MTBP: variants seen among roughly 807,000 people sequenced by gnomAD.
MTBP encodes mdm2-binding protein.
In MTBP, 101 loss-of-function variants were observed where a neutral mutation model predicts 117.0. That is an observed-to-expected ratio of 0.86 (90% CI 0.73 to 1.02). MTBP has a LOEUF of 1.02. MTBP is among the 50% of genes least tolerant of loss of function. The probability of loss-of-function intolerance (pLI) is 0.00; values close to 1 mark genes in which losing one functional copy is unlikely to be tolerated. For missense variants in MTBP, 970 were observed against 1,030.9 expected (o/e 0.94, Z 0.81); for synonymous variants, 350 against 351.5 (o/e 1.00, Z 0.05).
At chr8:120,454,926 A>T (rs1043859891) in intron 5 of MTBP, among the ~76,000 whole-genome samples, 2 of 151,986 alleles carry the variant, frequency 1.3e-5, no homozygotes, top group Non-Finnish European at 2.9e-5. Context: ...GGATCCAATG[A>T]TGATGTCAGT....
At chr8:120,504,886 A>G (rs1814660643) in intron 15 of MTBP, among the ~76,000 whole-genome samples, 2 of 151,806 alleles carry the variant, frequency 1.3e-5, no homozygotes, top group South Asian at 4.2e-4. Flanking sequence ...TGGTAGTCAT[A>G]TTTTAAATTT....
intron 11 of MTBP, among the ~76,000 whole-genome samples, chr8:120,480,570 G>A (rs1323299060): frequency 6.6e-6 from 1 of 152,188 alleles, no homozygotes; most frequent in Non-Finnish European, 1.5e-5. Context: ...TCAAGACATT[G>A]TGGTATTGGG....
intron 8 of MTBP, among the ~76,000 whole-genome samples, chr8:120,459,649 CAT>C (rs886220195): frequency 5.9e-5 from 9 of 152,028 alleles, no homozygotes; most frequent in African/African-American, 2.2e-4. Flanking sequence ...GAGAATATGA[CAT>C]AGAGAAAAGA....
chr8:120,481,458 G>C (rs1469207683), intron 11 of MTBP, among the ~76,000 whole-genome samples: 2 of 150,326 alleles, frequency 1.3e-5, no homozygotes, highest in African/African-American at 4.9e-5. Flanking sequence ...ATTTTTTTTT[G>C]CATATAATGG....
chr8:120,453,948 A>G, intron 5 of MTBP, 43 bp downstream of exon 5: 1 of 1,088,344 alleles, frequency 9.2e-7, no homozygotes, highest in Non-Finnish European at 1.4e-6. Flanking sequence ...ATCTTATCTT[A>G]TTACACTTTA....
chr8:120,501,042 T>C (rs1030064822), intron 14 of MTBP, among the ~76,000 whole-genome samples: 1 of 151,832 alleles, frequency 6.6e-6, no homozygotes, highest in African/African-American at 2.4e-5. Context: ...ATACAAAAAA[T>C]TAGCCGGGCG....
chr8:120,494,679 T>C (rs879496309), intron 13 of MTBP, among the ~76,000 whole-genome samples: 6 of 152,236 alleles, frequency 3.9e-5, no homozygotes, highest in Non-Finnish European at 8.8e-5. Flanking sequence ...TCATGAATTT[T>C]GGTTAAATCA....
Position 120,488,331 on chromosome 8 carries a change from G to A in MTBP, c.1338G>A (p.Leu446=). The change falls in exon 12 of 22, where the codon TTG becomes TTA. Residue 446 remains leucine (L), a splice_region_variant and synonymous_variant. Coordinates refer to ENST00000305949, the MANE Select transcript of MTBP (RefSeq NM_022045.5). Reference sequence around the variant, plus strand: ...AAACAAAGACAGAAGAAGCCAAATTGAGTAAGTGTTAACTTCAGGTAGAAA... The same window carrying A: ...AAACAAAGACAGAAGAAGCCAAATTAAGTAAGTGTTAACTTCAGGTAGAAA... ...KMKTKTEEAK[L]SFPFDLLSLP... 1 of 1,536,382 alleles carries A rather than the reference G, an allele frequency of 6.5e-7. No homozygotes were observed. The highest frequency in any genetic ancestry group is 8.7e-7 in the Non-Finnish European group (1 of 1,148,042).
chr8:120,488,937 G>A (rs1814279194), intron 12 of MTBP, among the ~76,000 whole-genome samples: 1 of 151,894 alleles, frequency 6.6e-6, no homozygotes, highest in African/African-American at 2.4e-5. Context: ...TGGTGCCTGG[G>A]CTAGGATGAC....
At chr8:120,487,794 G>T (rs1586958126) in intron 11 of MTBP, among the ~76,000 whole-genome samples, 1 of 152,308 alleles carries the variant, frequency 6.6e-6, no homozygotes, top group East Asian at 1.9e-4. Flanking sequence ...GTATCCTTCT[G>T]CTCCCACCAA....
chr8:120,494,155 C>T (rs1158914438), intron 13 of MTBP, among the ~76,000 whole-genome samples: 3 of 152,122 alleles, frequency 2.0e-5, no homozygotes, highest in Non-Finnish European at 4.4e-5. Flanking sequence ...CATTGGTTGC[C>T]TCCTTCTTAT....
chr8:120,521,475 CGTTCTCCCTAACATCA>C lies in MTBP; in HGVS notation c.2611-1160_2611-1145del, dbSNP rs769828990. On this transcript the variant is annotated intron_variant, in intron 20 of 21. Coordinates refer to ENST00000305949, the MANE Select transcript of MTBP (RefSeq NM_022045.5). The stretch of plus-strand genomic sequence containing the variant: ...GTACGAGACCTGAATCCATCCATGA[CGTTCTCCCTAACATCA>C]GTTCTCCCTAACATCAGTAGTCAGT... Among the ~76,000 whole-genome samples the C allele has an allele frequency of 3.0e-4, 45 of 152,244 alleles. No individual in the cohort carries two copies. In the East Asian group the frequency reaches 3.1e-3, roughly 10 times the overall value.
At chr8:120,514,583 A>C (rs1158598734) in intron 17 of MTBP, among the ~76,000 whole-genome samples, 1 of 152,096 alleles carries the variant, frequency 6.6e-6, no homozygotes, top group Non-Finnish European at 1.5e-5. Context: ...TGATTCTTAC[A>C]CTTTACATAG....
chr8:120,454,164 G>A (rs987243650), intron 5 of MTBP, among the ~76,000 whole-genome samples: 9 of 152,000 alleles, frequency 5.9e-5, no homozygotes, highest in African/African-American at 2.2e-4. Context: ...TGTTTCTTTA[G>A]TTATTGCTGA....
intron 9 of MTBP, among the ~76,000 whole-genome samples, chr8:120,462,720 A>G (rs961757515): frequency 2.0e-5 from 3 of 152,134 alleles, no homozygotes; most frequent in Admixed American, 2.0e-4. Context: ...GTCTTAGACC[A>G]ATGGTTTTCA....
chr8:120,493,642 C>A (rs756132327), intron 13 of MTBP, among the ~76,000 whole-genome samples: 4 of 151,942 alleles, frequency 2.6e-5, no homozygotes, highest in Non-Finnish European at 4.4e-5. Flanking sequence ...AGGCATGTAC[C>A]ACCACGCCAG....
At chr8:120,518,992 A>T (rs1383681117) in intron 20 of MTBP, among the ~76,000 whole-genome samples, 175 bp downstream of exon 20, 1 of 152,058 alleles carries the variant, frequency 6.6e-6, no homozygotes, top group Non-Finnish European at 1.5e-5. Flanking sequence ...ATTTGATTTG[A>T]GTTCTCATAT....
At chr8:120,504,149 A>G (rs1453595485) in intron 15 of MTBP, among the ~76,000 whole-genome samples, 2 of 152,172 alleles carry the variant, frequency 1.3e-5, no homozygotes, top group Non-Finnish European at 2.9e-5. Context: ...ATGGAGGCTA[A>G]GACCACTCCT....
intron 10 of MTBP, among the ~76,000 whole-genome samples, chr8:120,470,346 C>T (rs1813792666): frequency 6.6e-6 from 1 of 152,134 alleles, no homozygotes; most frequent in Non-Finnish European, 1.5e-5. Flanking sequence ...TCTCTGATTT[C>T]CAGGAACAAA....
Sources: gnomAD v4.1 joint callset for allele counts (sites outside exome capture counted in the v4.1 genomes callset) on GRCh38, gnomAD v4.1.1 for gene constraint, MANE v1.5 for transcripts, NCBI Gene and HGNC (gene_info 2026-07-23, HGNC 2026-07-21) for gene names.